LEP: variants seen among roughly 807,000 people sequenced by gnomAD.
LEP encodes the protein leptin (murine obesity homolog).
Under a neutral mutation model 9.8 loss-of-function variants are expected in LEP, and 6 were observed. The ratio of observed to expected loss-of-function variants is 0.61; its 90% confidence interval spans 0.34 to 1.21. The LOEUF (loss-of-function observed/expected upper bound fraction) is 1.21, where lower values mean the gene tolerates loss of function less well. Ranked by LOEUF, LEP falls within the 50% of genes most tolerant of loss-of-function variation. The probability of loss-of-function intolerance (pLI) is 0.04; values close to 1 mark genes in which losing one functional copy is unlikely to be tolerated. For synonymous variants in LEP, 112 were observed against 81.7 expected, an observed-to-expected ratio of 1.37 and a Z score of -2.00; for missense variants, 134 against 198.1, an observed-to-expected ratio of 0.68 and a Z score of 1.94.
At chr7:128,246,022 G>A (rs1795206533) in intron 1 of LEP, among the ~76,000 whole-genome samples, 2 of 151,714 alleles carry the variant, frequency 1.3e-5, no homozygotes, top group South Asian at 4.2e-4. Flanking sequence ...AGTGAGCCGA[G>A]GTCACGCCAC....
intron 2 of LEP, 142 bp downstream of exon 2, chr7:128,252,304 G>A (rs1795285043): frequency 2.1e-6 from 2 of 930,970 alleles, no homozygotes; most frequent in Non-Finnish European, 3.5e-6. Context: ...AGAAGGATTT[G>A]AAAGCACAGG....
At chr7:128,247,573 G>A (rs1358073205) in intron 1 of LEP, among the ~76,000 whole-genome samples, 1 of 152,112 alleles carries the variant, frequency 6.6e-6, no homozygotes, top group Admixed American at 6.5e-5. Context: ...AAACCCACCT[G>A]TGTTCTTCCA....
rs1258266631 is a variant in LEP, at chr7:128,256,315, G to A, written c.*1552G>A. 1.3e-5 allele frequency: 2 copies of A among 152,664 alleles called. No homozygotes were observed. Among genetic ancestry groups the A allele is most frequent in the African/African-American group, 4.8e-5 (2 of 41,460 alleles). The allele number at this position is 152,664 out of a possible 1,614,324, so 9.5% of individuals were successfully genotyped here. Reference sequence around the variant, plus strand: ...GGGTCTGCCACCATCCTGCTGCTGTGTTTTTGCTATCACACAGTGGGTGGT... The same window carrying A: ...GGGTCTGCCACCATCCTGCTGCTGTATTTTTGCTATCACACAGTGGGTGGT... On this transcript the variant is annotated 3_prime_UTR_variant, in exon 3 of 3. Coordinates refer to ENST00000308868, the MANE Select transcript of LEP (RefSeq NM_000230.3).
rs1229511536 is a variant in LEP, at chr7:128,256,016, G to A, written c.*1253G>A. On this transcript the variant is annotated 3_prime_UTR_variant, in exon 3 of 3. Transcript: ENST00000308868. ...GGTGTGACCCTCTGAATGGTCCAGG[G>A]TTGATCACACTCTGGGTTTATTACA... 2 of 152,216 alleles carry A rather than the reference G, an allele frequency of 1.3e-5. No individual in the cohort carries two copies. Among genetic ancestry groups the A allele is most frequent in the Admixed American group, 1.3e-4 (2 of 15,282 alleles). The allele number at this position is 152,216 out of a possible 1,614,324, so 9.4% of individuals were successfully genotyped here. A position where few individuals can be genotyped will look rare whatever the true frequency, so the allele number is the denominator to read the frequency against.
At chr7:128,250,734 A>T (rs1464600133) in intron 1 of LEP, among the ~76,000 whole-genome samples, 1 of 152,198 alleles carries the variant, frequency 6.6e-6, no homozygotes, top group Non-Finnish European at 1.5e-5. Flanking sequence ...ACCTGTCTTC[A>T]TCAAGACCCA....
intron 1 of LEP, 22 bp from the exon 2 acceptor site, chr7:128,251,969 G>T (rs1198867840): frequency 6.2e-7 from 1 of 1,600,228 alleles, no homozygotes; most frequent in Admixed American, 1.7e-5. Flanking sequence ...TCCTTGCAGT[G>T]TGTGGTTCCT....
intron 2 of LEP, among the ~76,000 whole-genome samples, chr7:128,252,853 C>T (rs1394801142): frequency 5.3e-5 from 8 of 152,088 alleles, no homozygotes; most frequent in Admixed American, 5.2e-4. Context: ...AGTTCAAGAC[C>T]AGCCTGGGCA....
intron 1 of LEP, among the ~76,000 whole-genome samples, chr7:128,249,057 C>T (rs923278505): frequency 6.6e-6 from 1 of 152,246 alleles, no homozygotes; most frequent in Non-Finnish European, 1.5e-5. Flanking sequence ...CTCCTCATCC[C>T]TAAACCCTGC....
At chr7:128,243,617 G>A (rs1402802731) in intron 1 of LEP, among the ~76,000 whole-genome samples, 1 of 152,194 alleles carries the variant, frequency 6.6e-6, no homozygotes, top group Non-Finnish European at 1.5e-5. Context: ...CCAAGAGAGG[G>A]AGACCTGGAC....
intron 1 of LEP, 127 bp from the exon 2 acceptor site, chr7:128,251,864 G>A (rs1315169569): frequency 2.6e-6 from 2 of 756,110 alleles, no homozygotes; most frequent in Non-Finnish European, 4.7e-6. Flanking sequence ...TGACTTTGAG[G>A]GGATGGTAGC....
Position 128,252,151 on chromosome 7 carries a change from A to C in LEP, c.133A>C (p.Ile45Leu). The C allele has an allele frequency of 6.2e-7, 1 of 1,614,186 alleles. No homozygotes were observed. Among genetic ancestry groups the C allele is most frequent in the East Asian group, 2.2e-5 (1 of 44,886 alleles). ...IKTIVTRINDISHTQSVSSKQ... is the reference protein window; with the variant it reads ...IKTIVTRINDLSHTQSVSSKQ... ...GACAATTGTCACCAGGATCAATGAC[A>C]TTTCACACACGGTAAGGAGAGTATG... is the stretch of plus-strand genomic sequence containing the variant. Residue 45 changes from isoleucine (I) to leucine (L), a missense_variant, in exon 2 of 3, where the codon ATT becomes CTT. Physicochemically the swap from Ile to Leu is conservative, Grantham distance 5. Coordinates refer to ENST00000308868, the MANE Select transcript of LEP (RefSeq NM_000230.3).
chr7:128,248,466 G>T (rs993904252), intron 1 of LEP, among the ~76,000 whole-genome samples: 12 of 151,928 alleles, frequency 7.9e-5, no homozygotes, highest in African/African-American at 2.7e-4. Flanking sequence ...CAGGCTGGGT[G>T]GTGCATGCCC....
chr7:128,254,983 G>A lies in LEP; in HGVS notation c.*220G>A. 1.8e-6 allele frequency: 1 copy of A among 570,004 alleles called. No homozygotes were observed. The highest frequency in any genetic ancestry group is 3.1e-6 in the Non-Finnish European group (1 of 317,500). The allele number at this position is 570,004 out of a possible 1,614,324, so 35.3% of individuals were successfully genotyped here. On this transcript the variant is annotated 3_prime_UTR_variant, in exon 3 of 3. Coordinates refer to ENST00000308868, the MANE Select transcript of LEP (RefSeq NM_000230.3). ...CACAGGATCCTATTCTCACCAGGAA[G>A]GGGGTCCACCCAGCAAAGAGTGGGC... is the stretch of plus-strand genomic sequence containing the variant.
intron 1 of LEP, among the ~76,000 whole-genome samples, chr7:128,245,369 C>T (rs944507083): frequency 6.6e-6 from 1 of 152,238 alleles, no homozygotes. Flanking sequence ...CTTCTTCCCT[C>T]ATAACTCCCA....
chr7:128,246,182 T>C (rs1181695695), intron 1 of LEP, among the ~76,000 whole-genome samples: 1 of 152,166 alleles, frequency 6.6e-6, no homozygotes, highest in Non-Finnish European at 1.5e-5. Flanking sequence ...TCTGCCTCCA[T>C]CTGCCTTGTC....
intron 1 of LEP, among the ~76,000 whole-genome samples, chr7:128,248,150 G>C (rs778463991): frequency 6.6e-6 from 1 of 152,048 alleles, no homozygotes; most frequent in South Asian, 2.1e-4. Context: ...AAAAAATGAG[G>C]CTGGGCGTGA....
chr7:128,254,714 G>T lies in LEP; in HGVS notation c.455G>T (p.Gly152Val). 1 of 1,613,378 alleles carries T rather than the reference G, an allele frequency of 6.2e-7. No homozygotes were observed. ...GTGGTGGCCCTGAGCAGGCTGCAGG[G>T]GTCTCTGCAGGACATGCTGTGGCAG... ...TEVVALSRLQ[G>V]SLQDMLWQLD... The change falls in exon 3 of 3, where the codon GGG (glycine) becomes GTG (valine). Residue 152 changes from glycine (G) to valine (V), a missense_variant. Gly to Val is a moderately radical substitution (Grantham distance 109). Transcript: ENST00000308868.
chr7:128,241,674 A>G (rs574229695), intron 1 of LEP, among the ~76,000 whole-genome samples: 1 of 152,194 alleles, frequency 6.6e-6, no homozygotes, highest in South Asian at 2.1e-4. Context: ...TGAAGGAGAT[A>G]AAGTTGGGGG....
At chr7:128,243,888 C>T (rs1215749828) in intron 1 of LEP, among the ~76,000 whole-genome samples, 2 of 152,148 alleles carry the variant, frequency 1.3e-5, no homozygotes, top group Non-Finnish European at 2.9e-5. Context: ...TTGATCAGGG[C>T]AACCTCTCCT....
Sources: gnomAD v4.1 joint callset for allele counts (sites outside exome capture counted in the v4.1 genomes callset) on GRCh38, gnomAD v4.1.1 for gene constraint, MANE v1.5 for transcripts, NCBI Gene and HGNC (gene_info 2026-07-23, HGNC 2026-07-21) for gene names.